KCNIP1: variants seen among roughly 807,000 people sequenced by gnomAD.
The protein encoded by KCNIP1 is A-type potassium channel modulatory protein KCNIP1.
Under a neutral mutation model 33.0 loss-of-function variants are expected in KCNIP1, and 18 were observed. The observed-to-expected ratio is 0.55, with a 90% CI of 0.38 to 0.81. KCNIP1 has a LOEUF of 0.81. KCNIP1 is among the 30% of genes least tolerant of loss of function. The probability of loss-of-function intolerance (pLI) is 0.00; values close to 1 mark genes in which losing one functional copy is unlikely to be tolerated. For missense variants in KCNIP1, 238 were observed against 271.6 expected (o/e 0.88, Z 0.87); for synonymous variants, 93 against 98.3 (o/e 0.95, Z 0.32).
intron 1 of KCNIP1, among the ~76,000 whole-genome samples, chr5:170,690,697 C>G (rs1320448735): frequency 2.6e-5 from 4 of 152,246 alleles, no homozygotes; most frequent in Non-Finnish European, 5.9e-5. Context: ...CCCCAGCCCT[C>G]AGGCACATCA....
intron 1 of KCNIP1, 78 bp from the exon 2 acceptor site, chr5:170,718,667 CGTGACACCACTCT>C (rs1763711888): frequency 1.3e-6 from 2 of 1,493,106 alleles, no homozygotes; most frequent in South Asian, 2.4e-5. Flanking sequence ...GATCCCAGGT[CGTGACACCACTCT>C]TTTGACAGCC....
In KCNIP1 at chr5:170,680,678, T is replaced by C. The variant is rs1762306990; in HGVS notation, c.62-38080T>C. The C allele has an allele frequency of 1.3e-5, 2 of 159,796 alleles. 1 individual carries two copies. The highest frequency in any genetic ancestry group is 4.1e-4 in the South Asian group (2 of 4,908). 9.9% of individuals were successfully genotyped at this position (159,796 alleles called of 1,614,324 possible). A position where few individuals can be genotyped will look rare whatever the true frequency, so the allele number is the denominator to read the frequency against. On this transcript the variant is annotated intron_variant, in intron 1 of 7. Coordinates refer to ENST00000328939, the MANE Select transcript of KCNIP1 (RefSeq NM_014592.4). Reference sequence around the variant, plus strand: ...TCCATCTATCTGCGATCTAAAGCAATGGGGCTCTTTCTGTATGTCTTTCAA... The same window carrying C: ...TCCATCTATCTGCGATCTAAAGCAACGGGGCTCTTTCTGTATGTCTTTCAA...
chr5:170,375,994 C>A (rs750055988), intron 1 of KCNIP1: 2 of 152,202 alleles, frequency 1.3e-5, no homozygotes, highest in Non-Finnish European at 2.9e-5. Context: ...TCTGTTGCTT[C>A]TCATCATCTG....
At chr5:170,399,068 C>A (rs1303202880) in intron 1 of KCNIP1, among the ~76,000 whole-genome samples, 1 of 146,696 alleles carries the variant, frequency 6.8e-6, no homozygotes, top group Non-Finnish European at 1.5e-5. Context: ...AGTGTGTCTA[C>A]TTGCAAGAAA....
At chr5:170,497,037 G>A (rs542641514) in intron 1 of KCNIP1, among the ~76,000 whole-genome samples, 1 of 152,176 alleles carries the variant, frequency 6.6e-6, no homozygotes, top group East Asian at 1.9e-4. Context: ...ATGTTATAGT[G>A]ACTTGTTTAT....
At chr5:170,358,706 A>C (rs1175066122) in intron 1 of KCNIP1, among the ~76,000 whole-genome samples, 2 of 152,220 alleles carry the variant, frequency 1.3e-5, no homozygotes, top group African/African-American at 4.8e-5. Flanking sequence ...CCCCGCTTAC[A>C]TTTTGTGCCC....
chr5:170,534,471 A>AAGGAGGAGGAGG lies in KCNIP1; in HGVS notation c.61+29856_61+29867dup, dbSNP rs34048947. Among the ~76,000 whole-genome samples, 19 of 149,442 alleles carry AAGGAGGAGGAGG rather than the reference A, an allele frequency of 1.3e-4. No homozygotes were observed. The South Asian group carries it at 2.2e-3, about 17-fold the overall frequency. On this transcript the variant is annotated intron_variant, in intron 1 of 7. Coordinates refer to ENST00000328939, the MANE Select transcript of KCNIP1 (RefSeq NM_014592.4). ...AAAGAAGGAAGAGAGGGAGAGGGAG[A>AAGGAGGAGGAGG]AGGAGGAGGAGGAGGAGGAGGAGGA...
chr5:170,644,153 T>C (rs1408173429), intron 1 of KCNIP1, among the ~76,000 whole-genome samples: 2 of 152,150 alleles, frequency 1.3e-5, no homozygotes, highest in Admixed American at 1.3e-4. Context: ...GAGGGTCAGA[T>C]GATGAGGGAC....
At chr5:170,471,091 G>T (rs539947462) in intron 1 of KCNIP1, among the ~76,000 whole-genome samples, 1 of 152,116 alleles carries the variant, frequency 6.6e-6, no homozygotes, top group African/African-American at 2.4e-5. Flanking sequence ...GTCAAGTTGC[G>T]CATTTACTTT....
At chr5:170,727,937 C>T (rs1296522157) in intron 5 of KCNIP1, among the ~76,000 whole-genome samples, 1 of 152,028 alleles carries the variant, frequency 6.6e-6, no homozygotes, top group Non-Finnish European at 1.5e-5. Flanking sequence ...CAAGACCCTT[C>T]CTCAAAAAAG....
At chr5:170,682,089 A>G (rs1762370422) in intron 1 of KCNIP1, among the ~76,000 whole-genome samples, 1 of 152,248 alleles carries the variant, frequency 6.6e-6, no homozygotes, top group Admixed American at 6.5e-5. Context: ...ACCGTACATA[A>G]TAATGAAATG....
chr5:170,541,575 C>A (rs964006515), intron 1 of KCNIP1, among the ~76,000 whole-genome samples: 3 of 152,238 alleles, frequency 2.0e-5, no homozygotes, highest in African/African-American at 7.2e-5. Context: ...ACTCCAGCCA[C>A]CCAGGTGACT....
intron 1 of KCNIP1, among the ~76,000 whole-genome samples, chr5:170,633,181 G>T (rs2113676310): frequency 6.6e-6 from 1 of 152,236 alleles, no homozygotes; most frequent in East Asian, 2.0e-4. Context: ...TGGGCGGTGT[G>T]GGGCGCCACC....
chr5:170,453,158 G>C (rs1237000295), intron 1 of KCNIP1, among the ~76,000 whole-genome samples: 1 of 152,170 alleles, frequency 6.6e-6, no homozygotes, highest in Non-Finnish European at 1.5e-5. Context: ...TTGACGACTT[G>C]AAAGAACATT....
chr5:170,451,560 T>C (rs1231609267), intron 1 of KCNIP1, among the ~76,000 whole-genome samples: 1 of 146,174 alleles, frequency 6.8e-6, no homozygotes, highest in African/African-American at 2.6e-5. Context: ...ACCACCCATT[T>C]CCCAGAAACC....
chr5:170,569,683 G>C lies in KCNIP1; in HGVS notation c.61+65050G>C, dbSNP rs563345596. On this transcript the variant is annotated intron_variant, in intron 1 of 7. Coordinates refer to ENST00000328939, the MANE Select transcript of KCNIP1 (RefSeq NM_014592.4). ...TGCTTGAGCCTGGAAGTTCAAGGCT[G>C]CAGGGAGCTATGATCACACCAATGC... is the stretch of plus-strand genomic sequence containing the variant. Among the ~76,000 whole-genome samples, 136 of 152,262 alleles carry C rather than the reference G, an allele frequency of 8.9e-4. 1 individual carries two copies. Among genetic ancestry groups the C allele is most frequent in the African/African-American group, 3.1e-3 (128 of 41,554 alleles).
chr5:170,685,643 C>T (rs555407623), intron 1 of KCNIP1, among the ~76,000 whole-genome samples: 42 of 151,972 alleles, frequency 2.8e-4, no homozygotes, highest in East Asian at 7.8e-4. Context: ...CATGTGCCAC[C>T]GTGCCTGGCT....
chr5:170,379,120 C>A (rs954557383), intron 1 of KCNIP1: 19 of 940,730 alleles, frequency 2.0e-5, no homozygotes, highest in Non-Finnish European at 2.8e-5. Flanking sequence ...GCAGGCCATG[C>A]GCTGTACAGG....
chr5:170,412,764 G>A (rs931289849), intron 1 of KCNIP1, among the ~76,000 whole-genome samples: 3 of 152,042 alleles, frequency 2.0e-5, no homozygotes, highest in Non-Finnish European at 4.4e-5. Context: ...TGTTCCCTCT[G>A]CCTGAAATGC....
Sources: gnomAD v4.1 joint callset for allele counts (sites outside exome capture counted in the v4.1 genomes callset) on GRCh38, gnomAD v4.1.1 for gene constraint, MANE v1.5 for transcripts, NCBI Gene and HGNC (gene_info 2026-07-23, HGNC 2026-07-21) for gene names.